The following CDH13 variants were observed in gnomAD, a reference collection of about 807,000 sequenced individuals.
CDH13 encodes the protein cadherin-13.
A neutral mutation model predicts 63.8 loss-of-function variants in CDH13; 24 were observed. The ratio of observed to expected loss-of-function variants is 0.38; its 90% CI spans 0.27 to 0.53. CDH13 has a LOEUF of 0.53. Among genes scored for constraint, CDH13 ranks in the 20% least tolerant of loss-of-function variants. The probability of loss-of-function intolerance (pLI) is 0.85; values close to 1 mark genes in which losing one functional copy is unlikely to be tolerated. For synonymous variants in CDH13, 503 were observed against 355.3 expected, an observed-to-expected ratio of 1.42 and a Z score of -4.67; for missense variants, 1,049 against 903.1, an observed-to-expected ratio of 1.16 and a Z score of -2.07.
intron 1 of CDH13, among the ~76,000 whole-genome samples, chr16:82,757,154 C>A (rs4782728): frequency 1 from 151,741 of 152,244 alleles, 75,620 homozygotes; most frequent in Middle Eastern, 1. Flanking sequence ...GTATTGTATC[C>A]TATCTACTCT....
chr16:82,856,355 A>C (rs2039687620), intron 1 of CDH13, among the ~76,000 whole-genome samples: 1 of 142,062 alleles, frequency 7.0e-6, no homozygotes, highest in South Asian at 2.3e-4. Flanking sequence ...AGCCTGGGCA[A>C]CAGAGAGAGA....
intron 5 of CDH13, among the ~76,000 whole-genome samples, chr16:83,340,603 A>G (rs1258556760): frequency 6.6e-6 from 1 of 152,180 alleles, no homozygotes; most frequent in Non-Finnish European, 1.5e-5. Flanking sequence ...TTCTCTAGAA[A>G]CAATGTTAAA....
chr16:83,163,450 C>T (rs746085978), intron 4 of CDH13, among the ~76,000 whole-genome samples: 3 of 152,070 alleles, frequency 2.0e-5, no homozygotes, highest in Non-Finnish European at 4.4e-5. Context: ...CGCTAACCTC[C>T]TCTTGTAGTG....
At chr16:83,046,689 G>A (rs887266027) in intron 3 of CDH13, among the ~76,000 whole-genome samples, 35 of 152,248 alleles carry the variant, frequency 2.3e-4, no homozygotes, top group African/African-American at 7.0e-4. Flanking sequence ...GCTACTCAGA[G>A]GCAAAAGGGC....
chr16:82,900,818 G>T (rs573690134), intron 2 of CDH13, among the ~76,000 whole-genome samples: 1 of 152,290 alleles, frequency 6.6e-6, no homozygotes, highest in East Asian at 1.9e-4. Context: ...TTTCTGGCTG[G>T]GTAAATGCCA....
Position 82,827,744 on chromosome 16 carries a change from A to G in CDH13, c.46-30618A>G, listed in dbSNP as rs2038323166. Among the ~76,000 whole-genome samples, 5 of 152,200 alleles carry G rather than the reference A, an allele frequency of 3.3e-5. No homozygotes were observed. The South Asian group carries it at 6.2e-4, about 19-fold the overall frequency. ...CAGCATGAATGCCCTTTTTTACTTG[A>G]TGAAAATAGACCTGATAGTGGTTGG... On this transcript the variant is annotated intron_variant, in intron 1 of 13. Transcript: ENST00000567109.
intron 7 of CDH13, among the ~76,000 whole-genome samples, chr16:83,506,074 G>C (rs775855450): frequency 3.3e-5 from 5 of 152,208 alleles, no homozygotes; most frequent in Non-Finnish European, 5.9e-5. Context: ...GAGGCTGTCA[G>C]AATGGTTTGC....
At chr16:83,373,326 G>A (rs2091405932) in intron 6 of CDH13, among the ~76,000 whole-genome samples, 1 of 152,176 alleles carries the variant, frequency 6.6e-6, no homozygotes, top group Non-Finnish European at 1.5e-5. Flanking sequence ...GCTCCACAGA[G>A]AGTGCAAAGT....
intron 5 of CDH13, among the ~76,000 whole-genome samples, chr16:83,334,295 C>T (rs910274298): frequency 6.6e-6 from 1 of 150,402 alleles, no homozygotes; most frequent in African/African-American, 2.4e-5. Flanking sequence ...CTCTCTCTCT[C>T]CCTCTCTCTC....
intron 3 of CDH13, among the ~76,000 whole-genome samples, chr16:83,067,205 A>G (rs1209969024): frequency 2.0e-5 from 3 of 152,176 alleles, no homozygotes; most frequent in African/African-American, 7.2e-5. Flanking sequence ...CAAATCTTTC[A>G]GCAGCAGAAG....
intron 1 of CDH13, among the ~76,000 whole-genome samples, chr16:82,738,112 G>A (rs1437369672): frequency 2.0e-5 from 3 of 152,188 alleles, no homozygotes; most frequent in South Asian, 2.1e-4. Flanking sequence ...TCACACATTC[G>A]TTAGGTTTCA....
intron 7 of CDH13, among the ~76,000 whole-genome samples, chr16:83,518,059 C>T: frequency 6.6e-6 from 1 of 152,242 alleles, no homozygotes; most frequent in Non-Finnish European, 1.5e-5. Flanking sequence ...ATAGGAGGGA[C>T]CTGGTGGGAG....
chr16:83,587,158 T>G (rs1042913402), intron 7 of CDH13, among the ~76,000 whole-genome samples: 6 of 152,158 alleles, frequency 3.9e-5, no homozygotes, highest in Non-Finnish European at 8.8e-5. Context: ...AAAGTAACCC[T>G]GCATGGCAAA....
chr16:83,587,419 G>A (rs796485645), intron 7 of CDH13, among the ~76,000 whole-genome samples: 13 of 152,304 alleles, frequency 8.5e-5, no homozygotes, highest in African/African-American at 2.9e-4. Flanking sequence ...ACCCCTCGGT[G>A]AGCTCCTGTG....
At chr16:83,273,523 T>C (rs2088890292) in intron 5 of CDH13, among the ~76,000 whole-genome samples, 1 of 152,154 alleles carries the variant, frequency 6.6e-6, no homozygotes, top group African/African-American at 2.4e-5. Context: ...ATACACACCA[T>C]GGAATACTAT....
chr16:82,898,290 CAAGGTG>C (rs1371831097), intron 2 of CDH13, among the ~76,000 whole-genome samples: 2 of 152,056 alleles, frequency 1.3e-5, no homozygotes, highest in Admixed American at 6.6e-5. Flanking sequence ...TTTGGGAGGC[CAAGGTG>C]GGTGGATCAC....
At chr16:83,189,734 G>A (rs1228935235) in intron 4 of CDH13, among the ~76,000 whole-genome samples, 1 of 152,158 alleles carries the variant, frequency 6.6e-6, no homozygotes, top group Non-Finnish European at 1.5e-5. Flanking sequence ...TTAAAGGCAA[G>A]AGGAATCTTC....
intron 5 of CDH13, among the ~76,000 whole-genome samples, chr16:83,255,368 A>G (rs911376295): frequency 3.3e-5 from 5 of 152,202 alleles, no homozygotes; most frequent in African/African-American, 1.2e-4. Flanking sequence ...TGCTTGCATT[A>G]GAAAATTAGG....
At chr16:83,649,586 G>A (rs891449517) in intron 8 of CDH13, among the ~76,000 whole-genome samples, 1 of 152,150 alleles carries the variant, frequency 6.6e-6, no homozygotes, top group Non-Finnish European at 1.5e-5. Flanking sequence ...AAGGCACTGA[G>A]GAGTACATAG....
Sources: allele counts gnomAD v4.1 joint callset (sites outside exome capture counted in the v4.1 genomes callset), GRCh38; gene constraint gnomAD v4.1.1; transcripts MANE v1.5; gene names NCBI Gene and HGNC (gene_info 2026-07-23, HGNC 2026-07-21).